EPG5: variants seen among roughly 807,000 people sequenced by gnomAD.
The protein encoded by EPG5 is ectopic P-granules 5 autophagy tethering factor, also known as ectopic P granules protein 5 homolog.
EPG5 carries 159 observed loss-of-function variants against 302.7 expected under a neutral mutation model. That is an observed-to-expected ratio of 0.53 (90% CI 0.46 to 0.60). EPG5 has a LOEUF of 0.60. EPG5 is among the 20% of genes least tolerant of loss of function. EPG5 has a pLI of 0.00. For missense variants in EPG5, 2,896 were observed against 3,092.4 expected, an observed-to-expected ratio of 0.94 and a Z score of 1.51; for synonymous variants, 1,158 against 1,136.8, an observed-to-expected ratio of 1.02 and a Z score of -0.37.
At chr18:45,854,751 C>T (rs1599416877) in intron 43 of EPG5, among the ~76,000 whole-genome samples, 1 of 152,262 alleles carries the variant, frequency 6.6e-6, no homozygotes, top group East Asian at 1.9e-4. Context: ...GTCCTAACTA[C>T]TTGGGAGGCT....
chr18:45,893,295 T>C (rs1467937837), intron 27 of EPG5, among the ~76,000 whole-genome samples: 1 of 152,186 alleles, frequency 6.6e-6, no homozygotes, highest in Non-Finnish European at 1.5e-5. Flanking sequence ...CTAGGCACAG[T>C]GCCTCACATC....
At chr18:45,888,664 T>C (rs967877442) in intron 28 of EPG5, among the ~76,000 whole-genome samples, 11 of 152,110 alleles carry the variant, frequency 7.2e-5, no homozygotes, top group African/African-American at 1.9e-4. Context: ...TATGTCAAAC[T>C]CCTGACCTCA....
chr18:45,829,262 C>A, the EPG5 span: 1 of 593,738 alleles, frequency 1.7e-6, no homozygotes, highest in Non-Finnish European at 2.1e-6. Context: ...AACCCTGAAG[C>A]AGATAGAGAC....
the EPG5 span, among the ~76,000 whole-genome samples, chr18:45,814,879 C>A: frequency 1.3e-5 from 2 of 152,354 alleles, no homozygotes; most frequent in African/African-American, 4.8e-5. Flanking sequence ...AGCCAATATA[C>A]ACCCCCACAG....
chr18:45,913,757 A>G lies in EPG5; in HGVS notation c.3765T>C (p.Ile1255=). The change falls in exon 21 of 44, where the codon ATT becomes ATC. Residue 1255 remains isoleucine, a synonymous_variant. Coordinates refer to ENST00000282041, the MANE Select transcript of EPG5 (RefSeq NM_020964.3). ...CAGAGTTTATCACCAATTCCCCTTC[A>G]ATAACTCTCCGGAGCTGGGAGTCCT... ...FEEDSQLRRV[I]EGELVINSAF... is the part of the protein sequence containing the mutation. 6.2e-7 allele frequency: 1 copy of G among 1,614,150 alleles called. No individual in the cohort carries two copies. The highest frequency in any genetic ancestry group is 8.5e-7 in the Non-Finnish European group (1 of 1,180,018).
Position 45,954,697 on chromosome 18 carries a change from G to C in EPG5, c.705C>G (p.Pro235=). 1 of 1,614,260 alleles carries C rather than the reference G, an allele frequency of 6.2e-7. No individual in the cohort carries two copies. The highest frequency in any genetic ancestry group is 8.5e-7 in the Non-Finnish European group (1 of 1,180,044). ...GGTAGAGTCGCTCACTGCGAAGCAA[G>C]GGTTTCACTGCCACCAAAGCTGGTG... is the stretch of plus-strand genomic sequence containing the variant. ...GEAPALVAVK[P]LLRSERLYPE... The change falls in exon 2 of 44, where the codon CCC becomes CCG. Residue 235 remains proline (P), a synonymous_variant. Transcript: ENST00000282041.
downstream of EPG5, among the ~76,000 whole-genome samples, chr18:45,845,855 CAGG>C (rs1323505572): frequency 1.3e-5 from 2 of 152,156 alleles, no homozygotes; most frequent in Admixed American, 1.3e-4. Flanking sequence ...CTGGGTCCAC[CAGG>C]AGCCCAACAC....
chr18:45,884,816 G>T lies in EPG5; in HGVS notation c.5110-5C>A. The T allele has an allele frequency of 6.6e-7, 1 of 1,509,848 alleles. No individual in the cohort carries two copies. Among genetic ancestry groups the T allele is most frequent in the Non-Finnish European group, 8.8e-7 (1 of 1,135,006 alleles). 93.5% of individuals were successfully genotyped at this position (1,509,848 alleles called of 1,614,324 possible). A position where few individuals can be genotyped will look rare whatever the true frequency, so the allele number is the denominator to read the frequency against. On this transcript the variant is annotated splice_region_variant and splice_polypyrimidine_tract_variant and intron_variant, in intron 29 of 43. Coordinates refer to ENST00000282041, the MANE Select transcript of EPG5 (RefSeq NM_020964.3). ...TTTAATGCCACTGATAAATACCTTG[G>T]AAAAATAAAAAGGAAAAATGTCACC...
At chr18:45,919,068 A>G (rs2050093088) in intron 16 of EPG5, among the ~76,000 whole-genome samples, 1 of 152,220 alleles carries the variant, frequency 6.6e-6, no homozygotes, top group African/African-American at 2.4e-5. Context: ...GATCAAAGGA[A>G]AAATGATGGA....
At chr18:45,915,450 G>C (rs2050006751) in intron 20 of EPG5, 61 bp downstream of exon 20, 2 of 1,163,204 alleles carry the variant, frequency 1.7e-6, no homozygotes, top group Non-Finnish European at 2.6e-6. Flanking sequence ...TTCTTTGTAA[G>C]GATGATCATG....
intron 16 of EPG5, among the ~76,000 whole-genome samples, chr18:45,921,192 A>G (rs1276792816): frequency 6.6e-6 from 1 of 152,338 alleles, no homozygotes; most frequent in African/African-American, 2.4e-5. Context: ...CTATCAAACA[A>G]TTCTTTATCT....
chr18:45,922,498 C>T lies in EPG5; in HGVS notation c.2941G>A (p.Asp981Asn), dbSNP rs568221137. Residue 981 changes from aspartate to asparagine, a missense_variant, in exon 16 of 44, where the codon GAT becomes AAT. Transcript: ENST00000282041. ...GGACAATTCGGCTGTATTCCATAAT[C>T]GTTTTTGTGCAGTTTTAGCCTCAAG... Reference protein sequence around the residue: ...LILRLKLHKNDYGIQPNCPAV... With the variant: ...LILRLKLHKNNYGIQPNCPAV... 8.1e-6 allele frequency: 13 copies of T among 1,614,190 alleles called. No individual in the cohort carries two copies. The highest frequency in any genetic ancestry group is 4.5e-5 in the East Asian group (2 of 44,882).
rs558691380 is a variant in EPG5 at position 45,943,107 on chromosome 18, T to C, written c.1943+54A>G. 397 of 1,559,872 alleles carry C rather than the reference T, an allele frequency of 2.5e-4. No individual in the cohort carries two copies. The African/African-American group carries it at 4.9e-3, about 19-fold the overall frequency. ...TCCATCATCCCAATTATGCAGTATC[T>C]GTGTCTGACCAGGGTGAAAGGAACA... is the stretch of plus-strand genomic sequence containing the variant. On this transcript the variant is annotated intron_variant, in intron 9 of 43. Coordinates refer to ENST00000282041, the MANE Select transcript of EPG5 (RefSeq NM_020964.3).
chr18:45,817,252 C>T, the EPG5 span, among the ~76,000 whole-genome samples: 1 of 151,884 alleles, frequency 6.6e-6, no homozygotes, highest in Non-Finnish European at 1.5e-5. Flanking sequence ...ACCTGTTCCC[C>T]AATAACCTAT....
At chr18:45,819,011 G>A in the EPG5 span, among the ~76,000 whole-genome samples, 2 of 152,120 alleles carry the variant, frequency 1.3e-5, no homozygotes, top group African/African-American at 4.8e-5. Context: ...TGAGATTACA[G>A]GCGTGAGCCA....
At chr18:45,948,480 T>G in intron 6 of EPG5, 23 bp downstream of exon 6, 1 of 1,596,300 alleles carries the variant, frequency 6.3e-7, no homozygotes, top group Non-Finnish European at 8.6e-7. Flanking sequence ...AATCTCTACT[T>G]CACAAAGCTC....
intron 9 of EPG5, among the ~76,000 whole-genome samples, chr18:45,941,067 T>G (rs1412538294): frequency 6.6e-6 from 1 of 152,118 alleles, no homozygotes; most frequent in African/African-American, 2.4e-5. Flanking sequence ...TAAAGATGAA[T>G]GAATGACATC....
the EPG5 span, among the ~76,000 whole-genome samples, chr18:45,817,206 T>C: frequency 1.3e-5 from 2 of 152,024 alleles, no homozygotes; most frequent in Admixed American, 6.6e-5. Context: ...ATCTCACAAA[T>C]CACCACTAAA....
intron 27 of EPG5, among the ~76,000 whole-genome samples, chr18:45,891,442 T>C (rs552332925): frequency 7.0e-6 from 1 of 143,522 alleles, no homozygotes; most frequent in Non-Finnish European, 1.5e-5. Context: ...GAGGTTCCAG[T>C]GAGCTGAGAT....
Sources: gnomAD v4.1 joint callset for allele counts (sites outside exome capture counted in the v4.1 genomes callset) on GRCh38, gnomAD v4.1.1 for gene constraint, MANE v1.5 for transcripts, NCBI Gene and HGNC (gene_info 2026-07-23, HGNC 2026-07-21) for gene names.